The following CYP2C8 variants were observed in gnomAD, a reference collection of about 807,000 sequenced individuals.
The protein encoded by CYP2C8 is cytochrome P450 family 2 subfamily C member 8, also known as cytochrome P450 2C8.
In CYP2C8, 51 loss-of-function variants were observed where a neutral mutation model predicts 41.3. The observed-to-expected ratio is 1.24, with a 90% CI of 0.99 to 1.56. CYP2C8 has a LOEUF of 1.56. Among genes scored for constraint, CYP2C8 ranks in the 40% most tolerant of loss-of-function variants. The pLI is 0.00. For missense variants in CYP2C8, 651 were observed against 579.9 expected (o/e 1.12, Z -1.26); for synonymous variants, 218 against 205.8 (o/e 1.06, Z -0.51).
chr10:95,045,678 T>C, intron 6 of CYP2C8, 132 bp downstream of exon 6: 1 of 1,104,606 alleles, frequency 9.1e-7, no homozygotes, highest in East Asian at 2.4e-5. Context: ...TCATCAAATT[T>C]AGACAGATTA....
chr10:95,068,784 G>T (rs746672071), intron 1 of CYP2C8, among the ~76,000 whole-genome samples: 2 of 152,194 alleles, frequency 1.3e-5, no homozygotes, highest in Non-Finnish European at 2.9e-5. Flanking sequence ...AAAGAGGCCA[G>T]GTACGGTGGC....
At chr10:95,052,488 A>G (rs2033230979) in intron 5 of CYP2C8, among the ~76,000 whole-genome samples, 1 of 142,898 alleles carries the variant, frequency 7.0e-6, no homozygotes, top group African/African-American at 2.5e-5. Context: ...CCAAAGACAC[A>G]TTAAAAAAAA....
In CYP2C8 at chr10:95,064,806, C is replaced by A. The variant is rs778575173; in HGVS notation, c.636G>T (p.Trp212Cys). The change falls in exon 4 of 9, where the codon TGG becomes TGT. Residue 212 changes from tryptophan (W) to cysteine (C), a missense_variant. Physicochemically the swap from Trp to Cys is radical, Grantham distance 215. Transcript: ENST00000371270. ...AATAAAATCTTGGCCTTACCTGGATCCATGGGGAGTTCAGAATCCTGAAGT... is the reference window on the plus strand; with the variant it reads ...AATAAAATCTTGGCCTTACCTGGATACATGGGGAGTTCAGAATCCTGAAGT... ...NENFRILNSP[W>C]IQVCNNFPLL... The A allele has an allele frequency of 1.2e-6, 2 of 1,613,796 alleles. No individual in the cohort carries two copies. Among genetic ancestry groups the A allele is most frequent in the South Asian group, 1.1e-5 (1 of 91,066 alleles).
chr10:95,058,625 A>T, intron 4 of CYP2C8, 114 bp from the exon 5 acceptor site: 1 of 987,586 alleles, frequency 1.0e-6, no homozygotes, highest in Non-Finnish European at 1.5e-6. Context: ...GTCCATTTTG[A>T]AGGGAAATTT....
At chr10:95,057,313 A>C (rs1432388765) in intron 5 of CYP2C8, among the ~76,000 whole-genome samples, 1 of 152,168 alleles carries the variant, frequency 6.6e-6, no homozygotes, top group Non-Finnish European at 1.5e-5. Context: ...ACAAAATACC[A>C]TTAAAGTGTA....
intron 5 of CYP2C8, among the ~76,000 whole-genome samples, chr10:95,053,553 T>C (rs543611384): frequency 2.1e-4 from 32 of 152,148 alleles, no homozygotes; most frequent in Non-Finnish European, 3.1e-4. Context: ...AAAGAAAATA[T>C]GGCACATATG....
intron 1 of CYP2C8, 38 bp downstream of exon 1, chr10:95,069,197 C>T (rs774260908): frequency 6.2e-7 from 1 of 1,611,882 alleles, no homozygotes; most frequent in African/African-American, 1.3e-5. Flanking sequence ...AATAACTTAC[C>T]CTTTGCAATT....
chr10:95,038,951 G>A lies in CYP2C8; in HGVS notation c.1237C>T (p.Leu413=), dbSNP rs1342388123. 6 of 1,613,816 alleles carry A rather than the reference G, an allele frequency of 3.7e-6. No individual in the cohort carries two copies. The African/African-American group carries it at 8.0e-5, about 22-fold the overall frequency. ...TTCTTAAAGTTGCCATTCTTATCTAGAAAGTGGCCAGGGTCAAAGATATTT... is the reference window on the plus strand; with the variant it reads ...TTCTTAAAGTTGCCATTCTTATCTAAAAAGTGGCCAGGGTCAAAGATATTT... ...NPNIFDPGHF[L]DKNGNFKKSD... is the part of the protein sequence containing the mutation. The change falls in exon 8 of 9, where the codon CTA becomes TTA. Residue 413 remains leucine (L), a synonymous_variant. Coordinates refer to ENST00000371270, the MANE Select transcript of CYP2C8 (RefSeq NM_000770.3).
rs11572066 is a variant in CYP2C8, at chr10:95,069,488, T to C, written c.-86A>G. ...TCCCTGCTAATTTAGTGTGTGTCTC[T>C]TTGACATGTAAAGTAAACAATCACC... On this transcript the variant is annotated 5_prime_UTR_variant, in exon 1 of 9. Coordinates refer to ENST00000371270, the MANE Select transcript of CYP2C8 (RefSeq NM_000770.3). 3.0e-5 allele frequency: 33 copies of C among 1,105,206 alleles called. No individual in the cohort carries two copies. The African/African-American group carries it at 5.0e-4, about 17-fold the overall frequency. The allele number at this position is 1,105,206 out of a possible 1,614,324, so 68.5% of individuals were successfully genotyped here. A position where few individuals can be genotyped will look rare whatever the true frequency, so the allele number is the denominator to read the frequency against.
chr10:95,044,009 C>A (rs1200806990), intron 6 of CYP2C8, among the ~76,000 whole-genome samples: 2 of 152,150 alleles, frequency 1.3e-5, no homozygotes, highest in Admixed American at 1.3e-4. Context: ...ATAGGGAAAT[C>A]TCAGACTATC....
At chr10:95,043,240 A>G (rs988103946) in intron 6 of CYP2C8, among the ~76,000 whole-genome samples, 163 bp from the exon 7 acceptor site, 3 of 152,240 alleles carry the variant, frequency 2.0e-5, no homozygotes, top group Admixed American at 2.0e-4. Flanking sequence ...TTACCATAAT[A>G]TAGATACATA....
chr10:95,064,855 G>T lies in CYP2C8; in HGVS notation c.587C>A (p.Thr196Asn), dbSNP rs1224419655. The T allele has an allele frequency of 7.4e-6, 12 of 1,613,824 alleles. No homozygotes were observed. Among genetic ancestry groups the T allele is most frequent in the Middle Eastern group, 1.7e-4 (1 of 6,044 alleles). The change falls in exon 4 of 9, where the codon ACC becomes AAC. Residue 196 changes from threonine (T) to asparagine (N), a missense_variant. By Grantham distance (65) the Thr-to-Asn change is moderately conservative. Coordinates refer to ENST00000371270, the MANE Select transcript of CYP2C8 (RefSeq NM_000770.3). ...GTTTTCATTGAATCTTTTCATCAGG[G>T]TGAGAAAATTCTGATCTTTATAATC... The part of the protein sequence containing the change: ...RFDYKDQNFL[T>N]LMKRFNENFR...
chr10:95,038,757 C>T, intron 8 of CYP2C8, 140 bp downstream of exon 8: 2 of 764,464 alleles, frequency 2.6e-6, no homozygotes, highest in Non-Finnish European at 4.4e-6. Flanking sequence ...GGGTGGAGCA[C>T]ATGGGTGTTA....
chr10:95,062,183 C>G lies in CYP2C8; in HGVS notation c.642+2617G>C, dbSNP rs2033450887. 2.0e-5 allele frequency among the ~76,000 whole-genome samples: 3 copies of G among 152,226 alleles called. No homozygotes were observed. The South Asian group carries it at 6.2e-4, about 32-fold the overall frequency. ...GCTTGGTGCAGAGCTGAGTTCAATT[C>G]CTGGATATCCTTGTTAACTTTCTGT... On this transcript the variant is annotated intron_variant, in intron 4 of 8. Transcript: ENST00000371270.
intron 5 of CYP2C8, among the ~76,000 whole-genome samples, chr10:95,057,814 A>G (rs1250252231): frequency 6.6e-6 from 1 of 152,160 alleles, no homozygotes. Context: ...TTTAGGTTAC[A>G]CTAAATTAAA....
chr10:95,049,125 AT>A (rs2033165397), intron 5 of CYP2C8, among the ~76,000 whole-genome samples: 1 of 152,200 alleles, frequency 6.6e-6, no homozygotes, highest in Non-Finnish European at 1.5e-5. Context: ...CAAGAAAAAA[AT>A]CCGAATAATC....
intron 7 of CYP2C8, among the ~76,000 whole-genome samples, chr10:95,041,905 C>A (rs993444095): frequency 1.3e-5 from 2 of 151,914 alleles, no homozygotes; most frequent in African/African-American, 2.4e-5. Context: ...GGAGTCTGAT[C>A]ACTTGGAATG....
chr10:95,038,490 C>T (rs1004448057), intron 8 of CYP2C8, among the ~76,000 whole-genome samples: 2 of 152,118 alleles, frequency 1.3e-5, no homozygotes, highest in African/African-American at 4.8e-5. Context: ...AAAGTTGTGC[C>T]CTTGGAGCTC....
At chr10:95,046,113 A>C (rs1328635337) in intron 5 of CYP2C8, among the ~76,000 whole-genome samples, 162 bp from the exon 6 acceptor site, 1 of 152,242 alleles carries the variant, frequency 6.6e-6, no homozygotes, top group Non-Finnish European at 1.5e-5. Flanking sequence ...ACTGCAGATC[A>C]GTTGACTCAA....
Sources: gnomAD v4.1 joint callset for allele counts (sites outside exome capture counted in the v4.1 genomes callset) on GRCh38, gnomAD v4.1.1 for gene constraint, MANE v1.5 for transcripts, NCBI Gene and HGNC (gene_info 2026-07-23, HGNC 2026-07-21) for gene names.